Variants in BCKDHB observed in about 807,000 individuals in gnomAD.
The protein encoded by BCKDHB is branched chain keto acid dehydrogenase E1 subunit beta.
In BCKDHB, 41 loss-of-function variants were observed where a neutral mutation model predicts 48.5. The observed-to-expected ratio is 0.85, with a 90% confidence interval of 0.66 to 1.10. The LOEUF (loss-of-function observed/expected upper bound fraction) is 1.10. BCKDHB is among the 50% of genes least tolerant of loss of function. The pLI is 0.00. For missense variants in BCKDHB, 496 were observed against 494.2 expected (o/e 1.00, Z -0.03); for synonymous variants, 201 against 174.8 (o/e 1.15, Z -1.18).
the BCKDHB span, among the ~76,000 whole-genome samples, chr6:80,382,041 A>G: frequency 7.7e-4 from 118 of 152,268 alleles, 1 homozygote; most frequent in African/African-American, 2.6e-3. Context: ...TTAATAGCCA[A>G]TACATTGATG....
chr6:80,388,181 G>A, the BCKDHB span, among the ~76,000 whole-genome samples: 1 of 152,212 alleles, frequency 6.6e-6, no homozygotes, highest in East Asian at 1.9e-4. Flanking sequence ...CCAGTTTTGA[G>A]TGGGGTCCAG....
chr6:80,403,723 A>G, the BCKDHB span, among the ~76,000 whole-genome samples: 2 of 151,994 alleles, frequency 1.3e-5, no homozygotes, highest in Admixed American at 6.6e-5. Flanking sequence ...TTTCCCATAC[A>G]TAAACTTTAT....
intron 8 of BCKDHB, among the ~76,000 whole-genome samples, chr6:80,215,510 A>T (rs919486416): frequency 1.3e-5 from 2 of 152,214 alleles, no homozygotes; most frequent in Non-Finnish European, 2.9e-5. Context: ...AAGAGTCCTG[A>T]AGAGTTTAGA....
At chr6:80,165,889 C>T (rs1464076579) in intron 3 of BCKDHB, among the ~76,000 whole-genome samples, 1 of 152,126 alleles carries the variant, frequency 6.6e-6, no homozygotes, top group Non-Finnish European at 1.5e-5. Context: ...TCAGTTTTTG[C>T]ACAGATTTTG....
intron 1 of BCKDHB, among the ~76,000 whole-genome samples, chr6:80,107,473 G>GCA (rs1459875844): frequency 1.2e-4 from 17 of 137,374 alleles, no homozygotes; most frequent in Non-Finnish European, 1.8e-4. Flanking sequence ...ATATATATGT[G>GCA]TGGATATATA....
intron 9 of BCKDHB, among the ~76,000 whole-genome samples, chr6:80,306,264 C>G (rs4706836): frequency 0.8 from 121,508 of 152,178 alleles, 48,683 homozygotes; most frequent in Admixed American, 0.87. Context: ...AAGTGATAAA[C>G]ACAATAACAT....
chr6:80,204,308 A>G (rs1774535296), intron 8 of BCKDHB, among the ~76,000 whole-genome samples: 1 of 152,166 alleles, frequency 6.6e-6, no homozygotes, highest in African/African-American at 2.4e-5. Context: ...ACTTGACACC[A>G]TCTAAACACT....
At chr6:80,462,407 A>C in the BCKDHB span, among the ~76,000 whole-genome samples, 1 of 152,210 alleles carries the variant, frequency 6.6e-6, no homozygotes, top group Admixed American at 6.5e-5. Flanking sequence ...CAAGAAGAAG[A>C]AGATGCTTCA....
At chr6:80,109,424 T>G (rs73477981) in intron 1 of BCKDHB, among the ~76,000 whole-genome samples, 1 of 152,168 alleles carries the variant, frequency 6.6e-6, no homozygotes, top group Non-Finnish European at 1.5e-5. Context: ...ATGGGTTTTA[T>G]GTATCTGAGA....
At chr6:80,424,837 G>A in the BCKDHB span, among the ~76,000 whole-genome samples, 1 of 152,136 alleles carries the variant, frequency 6.6e-6, no homozygotes, top group Non-Finnish European at 1.5e-5. Flanking sequence ...TTTCCTTTCA[G>A]GAGTTAATGG....
intron 3 of BCKDHB, among the ~76,000 whole-genome samples, chr6:80,133,256 C>A (rs1231100217): frequency 6.6e-6 from 1 of 152,152 alleles, no homozygotes; most frequent in African/African-American, 2.4e-5. Flanking sequence ...TACTGACATA[C>A]GTTGTAAAGC....
At chr6:80,203,549 G>A (rs1006341615) in intron 8 of BCKDHB, among the ~76,000 whole-genome samples, 23 of 152,022 alleles carry the variant, frequency 1.5e-4, no homozygotes, top group African/African-American at 5.6e-4. Flanking sequence ...ATTAGTTATG[G>A]TTCAGTAAGC....
intron 3 of BCKDHB, among the ~76,000 whole-genome samples, chr6:80,154,388 C>CT (rs1055083383): frequency 1.4e-4 from 21 of 152,210 alleles, no homozygotes; most frequent in African/African-American, 5.1e-4. Context: ...GAGCTTGATA[C>CT]TATCTCTTAC....
intron 8 of BCKDHB, among the ~76,000 whole-genome samples, chr6:80,232,972 G>A (rs1217660637): frequency 6.6e-6 from 1 of 152,000 alleles, no homozygotes; most frequent in Non-Finnish European, 1.5e-5. Context: ...AATATCATGA[G>A]TAGATTTTAA....
intron 9 of BCKDHB, among the ~76,000 whole-genome samples, chr6:80,331,327 C>T (rs888559810): frequency 6.6e-6 from 1 of 152,098 alleles, no homozygotes; most frequent in African/African-American, 2.4e-5. Context: ...AAAGGAAAAA[C>T]ATTTATAATA....
intron 8 of BCKDHB, among the ~76,000 whole-genome samples, chr6:80,227,627 A>G (rs1024972071): frequency 2.1e-4 from 32 of 152,112 alleles, no homozygotes; most frequent in African/African-American, 7.2e-4. Context: ...TGCCCTATAA[A>G]TCTGTATACT....
At chr6:80,216,072 G>A (rs1228670608) in intron 8 of BCKDHB, among the ~76,000 whole-genome samples, 1 of 152,128 alleles carries the variant, frequency 6.6e-6, no homozygotes, top group Non-Finnish European at 1.5e-5. Flanking sequence ...TTAGTTCCTG[G>A]TAAATGGTAA....
intron 9 of BCKDHB, among the ~76,000 whole-genome samples, chr6:80,300,029 A>C (rs117009678): frequency 0.02 from 2,971 of 152,184 alleles, 46 homozygotes; most frequent in Non-Finnish European, 0.03. Flanking sequence ...AACGGAAAAC[A>C]AAAGAGGAAC....
intron 9 of BCKDHB, among the ~76,000 whole-genome samples, chr6:80,274,681 A>G (rs1363735323): frequency 6.6e-6 from 1 of 152,098 alleles, no homozygotes. Flanking sequence ...CAAGTAGAAC[A>G]TAGTTGGAAT....
Sources: allele counts gnomAD v4.1 joint callset (sites outside exome capture counted in the v4.1 genomes callset), GRCh38; gene constraint gnomAD v4.1.1; transcripts MANE v1.5; gene names NCBI Gene and HGNC (gene_info 2026-07-23, HGNC 2026-07-21).